The following NBEA variants were observed in gnomAD, a reference collection of about 807,000 sequenced individuals.
The protein encoded by NBEA is lysosomal-trafficking regulator 2.
A neutral mutation model predicts 343.4 loss-of-function variants in NBEA; 44 were observed. The ratio of observed to expected loss-of-function variants is 0.13; its 90% CI spans 0.10 to 0.16. The LOEUF (loss-of-function observed/expected upper bound fraction) is 0.16. Ranked by LOEUF, NBEA falls within the 10% of genes least tolerant of loss-of-function variation. The pLI is 1.00. For missense variants in NBEA, 2,555 were observed against 3,631.3 expected (o/e 0.70, Z 7.62); for synonymous variants, 1,175 against 1,238.7 (o/e 0.95, Z 1.08).
chr13:35,612,900 C>G (rs1047198211), intron 48 of NBEA, among the ~76,000 whole-genome samples: 2 of 151,838 alleles, frequency 1.3e-5, no homozygotes, highest in Admixed American at 6.6e-5. Context: ...TTTTTAGAAG[C>G]ATTATGGTTA....
At chr13:35,289,098 A>G (rs1193538351) in intron 34 of NBEA, among the ~76,000 whole-genome samples, 1 of 151,908 alleles carries the variant, frequency 6.6e-6, no homozygotes, top group Non-Finnish European at 1.5e-5. Flanking sequence ...GTATTTATCC[A>G]CTACCTACAA....
intron 41 of NBEA, among the ~76,000 whole-genome samples, chr13:35,545,598 T>C (rs995349654): frequency 2.0e-5 from 3 of 152,230 alleles, no homozygotes; most frequent in Admixed American, 6.5e-5. Flanking sequence ...GAAATAAAAT[T>C]GATGCTCAAG....
intron 34 of NBEA, among the ~76,000 whole-genome samples, chr13:35,279,955 G>A (rs1339317171): frequency 6.6e-6 from 1 of 152,144 alleles, no homozygotes; most frequent in Admixed American, 6.5e-5. Flanking sequence ...CCCATCATGG[G>A]TGTGTCAGGT....
chr13:35,498,874 C>A (rs890688673), intron 41 of NBEA, among the ~76,000 whole-genome samples: 1 of 152,006 alleles, frequency 6.6e-6, no homozygotes, highest in Admixed American at 6.6e-5. Flanking sequence ...ACGACATATA[C>A]TTTTCTGATA....
Position 35,208,716 on chromosome 13 carries a change from G to T in NBEA, c.5383G>T (p.Val1795Leu). 2 of 1,598,730 alleles carry T rather than the reference G, an allele frequency of 1.3e-6. No homozygotes were observed. Residue 1795 changes from valine (V) to leucine (L), a missense_variant, in exon 32 of 59, where the codon GTA becomes TTA. Coordinates refer to ENST00000379939, the MANE Select transcript of NBEA (RefSeq NM_001385012.1). ...HSFDRSVVVP[V>L]KKPPPGSLAV... ...TCTTTGCAGGAGTGTTGTGGTGCCTGTAAAGAAACCACCTCCAGGTAGTTT... is the reference window on the plus strand; with the variant it reads ...TCTTTGCAGGAGTGTTGTGGTGCCTTTAAAGAAACCACCTCCAGGTAGTTT...
intron 11 of NBEA, among the ~76,000 whole-genome samples, chr13:35,107,201 A>G (rs1164407485): frequency 6.6e-6 from 1 of 151,866 alleles, no homozygotes; most frequent in African/African-American, 2.4e-5. Flanking sequence ...TTAAAGTACT[A>G]TATTATTTTC....
intron 36 of NBEA, among the ~76,000 whole-genome samples, chr13:35,327,553 A>T (rs1374712870): frequency 1.3e-5 from 2 of 152,056 alleles, no homozygotes; most frequent in Non-Finnish European, 2.9e-5. Context: ...ACATGTTCTT[A>T]CTTATAAGTG....
chr13:35,491,045 GAA>G (rs532812102), intron 41 of NBEA, among the ~76,000 whole-genome samples: 30 of 151,948 alleles, frequency 2.0e-4, no homozygotes, highest in African/African-American at 6.7e-4. Flanking sequence ...GTTTTAAAAA[GAA>G]TATTTTTAAA....
intron 22 of NBEA, among the ~76,000 whole-genome samples, chr13:35,160,234 A>G (rs2069461619): frequency 6.6e-6 from 1 of 152,150 alleles, no homozygotes; most frequent in South Asian, 2.1e-4. Context: ...CAACTCTGCC[A>G]CATTCTTCTG....
chr13:35,377,132 A>AT (rs1165500708), intron 38 of NBEA, among the ~76,000 whole-genome samples: 1 of 152,204 alleles, frequency 6.6e-6, no homozygotes, highest in African/African-American at 2.4e-5. Flanking sequence ...TTTGACCAAA[A>AT]TAAAAAAAGT....
At chr13:35,132,453 C>T (rs2067481894) in intron 17 of NBEA, among the ~76,000 whole-genome samples, 1 of 152,144 alleles carries the variant, frequency 6.6e-6, no homozygotes, top group Non-Finnish European at 1.5e-5. Flanking sequence ...AGCCACTGTG[C>T]CCAGCCAGTA....
rs1212864774 is a variant in NBEA at position 35,432,350 on chromosome 13, C to T, written c.6261C>T (p.Gly2087=). 6.2e-7 allele frequency: 1 copy of T among 1,609,830 alleles called. No homozygotes were observed. Among genetic ancestry groups the T allele is most frequent in the Admixed American group, 1.7e-5 (1 of 59,424 alleles). ...GACGATTTGTTCGCAATGCATTTGG[C>T]TCCACTCATGCTGAAGCATTGCTGA... ...RRRRFVRNAF[G]STHAEALLKA... The change falls in exon 39 of 59, where the codon GGC becomes GGT. Residue 2087 remains glycine, a synonymous_variant. Transcript: ENST00000379939.
intron 17 of NBEA, among the ~76,000 whole-genome samples, chr13:35,128,131 T>C (rs1401888061): frequency 6.6e-6 from 1 of 150,754 alleles, no homozygotes; most frequent in African/African-American, 2.4e-5. Context: ...ATACACCTAA[T>C]GCGAGATGAT....
intron 1 of NBEA, among the ~76,000 whole-genome samples, chr13:34,972,691 CTG>C (rs2060037667): frequency 6.6e-6 from 1 of 152,092 alleles, no homozygotes; most frequent in African/African-American, 2.4e-5. Context: ...GTCTGAGAGA[CTG>C]TTATGATTTC....
At chr13:35,046,141 C>T (rs528328984) in intron 4 of NBEA, among the ~76,000 whole-genome samples, 1 of 152,130 alleles carries the variant, frequency 6.6e-6, no homozygotes, top group Non-Finnish European at 1.5e-5. Context: ...AGTAGTATGG[C>T]ATTTTATGGA....
At chr13:35,407,462 G>T (rs1018075634) in intron 38 of NBEA, among the ~76,000 whole-genome samples, 50 of 142,330 alleles carry the variant, frequency 3.5e-4, no homozygotes, top group African/African-American at 1.3e-3. Context: ...CCAGATTAAA[G>T]AATCAAATAT....
At chr13:35,636,749 G>T (rs1440396250) in intron 49 of NBEA, among the ~76,000 whole-genome samples, 1 of 152,154 alleles carries the variant, frequency 6.6e-6, no homozygotes, top group Non-Finnish European at 1.5e-5. Flanking sequence ...AAGGATTTGT[G>T]GATTGAGTCC....
At chr13:35,087,177 A>G (rs945975278) in intron 10 of NBEA, among the ~76,000 whole-genome samples, 1 of 151,568 alleles carries the variant, frequency 6.6e-6, no homozygotes, top group Non-Finnish European at 1.5e-5. Context: ...GTCTATTTTT[A>G]TTATAGTTGT....
chr13:34,949,702 A>T, intron 1 of NBEA, among the ~76,000 whole-genome samples: 1 of 151,942 alleles, frequency 6.6e-6, no homozygotes, highest in Non-Finnish European at 1.5e-5. Flanking sequence ...TTGTTTCTTA[A>T]TGTTCTTTTA....
Sources: allele counts gnomAD v4.1 joint callset (sites outside exome capture counted in the v4.1 genomes callset), GRCh38; gene constraint gnomAD v4.1.1; transcripts MANE v1.5; gene names NCBI Gene and HGNC (gene_info 2026-07-23, HGNC 2026-07-21).